The following PTPRJ variants were observed in gnomAD, a reference collection of about 807,000 sequenced individuals.
PTPRJ encodes receptor-type tyrosine-protein phosphatase eta.
A neutral mutation model predicts 141.3 loss-of-function variants in PTPRJ; 129 were observed. That is an observed-to-expected ratio of 0.91 (90% CI 0.79 to 1.06). The LOEUF (loss-of-function observed/expected upper bound fraction) is 1.06, where lower values mean the gene tolerates loss of function less well. Ranked by LOEUF, PTPRJ falls within the 50% of genes least tolerant of loss-of-function variation. The pLI, the probability that PTPRJ is intolerant of heterozygous loss-of-function variation, is 0.00. For missense variants in PTPRJ, 1,601 were observed against 1,679.7 expected (o/e 0.95, Z 0.82); for synonymous variants, 610 against 640.5 (o/e 0.95, Z 0.72).
chr11:48,019,382 C>T (rs531267790), intron 1 of PTPRJ, among the ~76,000 whole-genome samples: 3 of 151,484 alleles, frequency 2.0e-5, no homozygotes, highest in Non-Finnish European at 4.4e-5. Context: ...CCGAACCCCA[C>T]CTCCTTTCTC....
chr11:48,089,050 G>GT (rs1855791152), intron 1 of PTPRJ, among the ~76,000 whole-genome samples: 1 of 8,212 alleles, frequency 1.2e-4, no homozygotes, highest in Non-Finnish European at 7.9e-4. Flanking sequence ...CGTGCTGTGC[G>GT]CCAGGAGGGC....
chr11:48,015,780 G>A (rs903774678), intron 1 of PTPRJ: 2 of 150,188 alleles, frequency 1.3e-5, no homozygotes, highest in African/African-American at 4.9e-5. Flanking sequence ...GAACCTGGTG[G>A]AGGTCGGAGG....
chr11:48,167,067 T>G (rs1203626058), intron 24 of PTPRJ, 137 bp from the exon 25 acceptor site: 1 of 719,068 alleles, frequency 1.4e-6, no homozygotes, highest in East Asian at 2.6e-5. Context: ...TTGAAACATG[T>G]TCGCTTGAAC....
intron 1 of PTPRJ, among the ~76,000 whole-genome samples, chr11:48,039,466 T>G (rs186713322): frequency 2.5e-3 from 23 of 9,210 alleles, no homozygotes; most frequent in African/African-American, 9.4e-3. Context: ...AACACTATGG[T>G]GTGTGTGTGT....
At chr11:48,073,865 A>C (rs1026575967) in intron 1 of PTPRJ, among the ~76,000 whole-genome samples, 1 of 152,216 alleles carries the variant, frequency 6.6e-6, no homozygotes, top group Non-Finnish European at 1.5e-5. Flanking sequence ...AAATCTTTAG[A>C]GTATTATATT....
At chr11:48,079,835 C>A (rs1395428084) in intron 1 of PTPRJ, among the ~76,000 whole-genome samples, 2 of 152,268 alleles carry the variant, frequency 1.3e-5, no homozygotes, top group East Asian at 3.9e-4. Flanking sequence ...AGTCCCGTGC[C>A]TGCTTCTGGG....
chr11:48,045,346 T>C (rs1282229775), intron 1 of PTPRJ, among the ~76,000 whole-genome samples: 3 of 152,166 alleles, frequency 2.0e-5, no homozygotes, highest in Non-Finnish European at 4.4e-5. Flanking sequence ...CCTGATCCCA[T>C]TGGGTGACCC....
chr11:48,045,420 A>C (rs899606329), intron 1 of PTPRJ, among the ~76,000 whole-genome samples: 1 of 152,168 alleles, frequency 6.6e-6, no homozygotes, highest in African/African-American at 2.4e-5. Flanking sequence ...TCAAGATTGA[A>C]GCTGCTTTGG....
intron 1 of PTPRJ, among the ~76,000 whole-genome samples, chr11:47,994,160 C>CT (rs1257359689): frequency 0.041 from 5,794 of 141,556 alleles, 342 homozygotes; most frequent in African/African-American, 0.13. Context: ...TGTGCCTGGC[C>CT]TTTTTTTTTT....
intron 3 of PTPRJ, 148 bp downstream of exon 3, chr11:48,113,131 A>AT: frequency 1.6e-6 from 1 of 616,870 alleles, no homozygotes; most frequent in Non-Finnish European, 2.8e-6. Context: ...CATATTCATT[A>AT]TATAAAACAT....
chr11:48,124,204 T>C (rs1462076977), intron 5 of PTPRJ, among the ~76,000 whole-genome samples: 2 of 152,194 alleles, frequency 1.3e-5, no homozygotes, highest in Admixed American at 1.3e-4. Flanking sequence ...CGTCTGCTGG[T>C]TGATGTTGGC....
intron 6 of PTPRJ, among the ~76,000 whole-genome samples, chr11:48,126,079 T>C (rs1484306204): frequency 1.3e-5 from 2 of 151,798 alleles, no homozygotes; most frequent in Non-Finnish European, 2.9e-5. Context: ...AGTGGTGGGG[T>C]GTCCTGCACA....
chr11:48,042,253 A>G (rs893130465), intron 1 of PTPRJ, among the ~76,000 whole-genome samples: 13 of 152,178 alleles, frequency 8.5e-5, no homozygotes, highest in Admixed American at 8.5e-4. Flanking sequence ...TTATTTGCCC[A>G]GTAGAACATG....
At chr11:48,140,240 G>A (rs981317478) in intron 11 of PTPRJ, among the ~76,000 whole-genome samples, 3 of 152,172 alleles carry the variant, frequency 2.0e-5, no homozygotes, top group African/African-American at 7.2e-5. Context: ...ATGTTGGCCA[G>A]GCTGGTCTTG....
At chr11:48,098,560 G>A (rs1856076495) in intron 1 of PTPRJ, among the ~76,000 whole-genome samples, 1 of 12,116 alleles carries the variant, frequency 8.3e-5, no homozygotes, top group African/African-American at 1.2e-4. Flanking sequence ...TCGCTCTGTC[G>A]CCCAGGCTGG....
At chr11:48,020,331 C>T (rs1855082552) in intron 1 of PTPRJ, among the ~76,000 whole-genome samples, 1 of 152,196 alleles carries the variant, frequency 6.6e-6, no homozygotes, top group South Asian at 2.1e-4. Context: ...TCAGTTATCT[C>T]AGCTGGTGTT....
intron 1 of PTPRJ, among the ~76,000 whole-genome samples, chr11:48,061,207 C>T (rs1330399168): frequency 6.6e-6 from 1 of 152,138 alleles, no homozygotes; most frequent in Non-Finnish European, 1.5e-5. Context: ...AACTCCTGAC[C>T]TCAGGTGATC....
intron 10 of PTPRJ, among the ~76,000 whole-genome samples, chr11:48,138,464 C>T (rs557498879): frequency 6.6e-6 from 1 of 152,100 alleles, no homozygotes; most frequent in Non-Finnish European, 1.5e-5. Flanking sequence ...GGGTGTTGCA[C>T]TAGGTGCCTT....
At chr11:48,007,926 G>A (rs953152838) in intron 1 of PTPRJ, among the ~76,000 whole-genome samples, 2 of 152,236 alleles carry the variant, frequency 1.3e-5, no homozygotes, top group Non-Finnish European at 2.9e-5. Flanking sequence ...AGACCACACA[G>A]CTAATATCAC....
Sources: allele counts gnomAD v4.1 joint callset (sites outside exome capture counted in the v4.1 genomes callset), GRCh38; gene constraint gnomAD v4.1.1; transcripts MANE v1.5; gene names NCBI Gene and HGNC (gene_info 2026-07-23, HGNC 2026-07-21).